The following RBMS3 variants were observed in gnomAD, a reference collection of about 807,000 sequenced individuals.
The protein encoded by RBMS3 is RNA binding motif single stranded interacting protein 3.
RBMS3 carries 27 observed loss-of-function variants against 66.8 expected under a neutral mutation model. The observed-to-expected ratio is 0.40, with a 90% CI of 0.30 to 0.56. The LOEUF is 0.56. Among genes scored for constraint, RBMS3 ranks in the 20% least tolerant of loss-of-function variants. The pLI, the probability that RBMS3 is intolerant of heterozygous loss-of-function variation, is 0.40. For synonymous variants in RBMS3, 188 were observed against 183.0 expected (o/e 1.03, Z -0.22); for missense variants, 513 against 549.5 (o/e 0.93, Z 0.66).
At chr3:29,927,751 G>T (rs2060979365) in intron 10 of RBMS3, among the ~76,000 whole-genome samples, 1 of 152,148 alleles carries the variant, frequency 6.6e-6, no homozygotes, top group African/African-American at 2.4e-5. Flanking sequence ...GATCAGGCTA[G>T]AAAGGTAAAT....
At chr3:29,938,690 T>C (rs1482822086) in intron 11 of RBMS3, among the ~76,000 whole-genome samples, 1 of 151,926 alleles carries the variant, frequency 6.6e-6, no homozygotes, top group Admixed American at 6.6e-5. Context: ...TTTTGGAAAA[T>C]CAGATTTTTC....
chr3:29,706,032 A>G (rs71319102), intron 4 of RBMS3, among the ~76,000 whole-genome samples: 1 of 152,160 alleles, frequency 6.6e-6, no homozygotes, highest in Non-Finnish European at 1.5e-5. Context: ...TGGTTCTAGC[A>G]ATTGTGAGAC....
chr3:29,596,842 T>C (rs1377878661), intron 4 of RBMS3, among the ~76,000 whole-genome samples: 4 of 152,202 alleles, frequency 2.6e-5, no homozygotes, highest in African/African-American at 9.6e-5. Flanking sequence ...AATATGGGAA[T>C]GAACAAATGA....
intron 4 of RBMS3, chr3:29,730,982 C>T (rs1363909713): frequency 1.0e-6 from 1 of 985,202 alleles, no homozygotes; most frequent in Non-Finnish European, 1.2e-6. Flanking sequence ...GCCAGAGATC[C>T]AATCTGGCCA....
chr3:29,442,212 A>AT (rs58714956), intron 2 of RBMS3, among the ~76,000 whole-genome samples: 9,052 of 152,104 alleles, frequency 0.06, 350 homozygotes, highest in East Asian at 0.17. Flanking sequence ...ATATACTTAC[A>AT]TTTTTTTGCC....
intron 3 of RBMS3, among the ~76,000 whole-genome samples, chr3:29,533,946 C>T (rs1420617514): frequency 6.6e-6 from 1 of 152,196 alleles, no homozygotes; most frequent in Non-Finnish European, 1.5e-5. Flanking sequence ...ACATTATGGG[C>T]CACTCCTTAA....
chr3:29,457,230 A>G (rs1333607029), intron 2 of RBMS3, among the ~76,000 whole-genome samples: 1 of 152,054 alleles, frequency 6.6e-6, no homozygotes, highest in Non-Finnish European at 1.5e-5. Context: ...ATGTCTCTCG[A>G]GTTTGTTCAT....
intron 6 of RBMS3, among the ~76,000 whole-genome samples, chr3:29,805,977 ACAGGGGTGC>A (rs1559690843): frequency 6.6e-6 from 1 of 151,916 alleles, no homozygotes; most frequent in Non-Finnish European, 1.5e-5. Flanking sequence ...AGTACCCTAT[ACAGGGGTGC>A]CATTTTTAAT....
chr3:29,599,879 A>G (rs535337795), intron 4 of RBMS3, among the ~76,000 whole-genome samples: 2 of 152,148 alleles, frequency 1.3e-5, no homozygotes, highest in African/African-American at 2.4e-5. Context: ...ATCTTAATCC[A>G]TAAAGTATTC....
At position 29,816,683 on chromosome 3, in the gene RBMS3, A is replaced by G. The variant is rs551454346; in HGVS notation, c.638-52175A>G. Reference sequence around the variant, plus strand: ...AATGTGAAGTTCTTTACATTTTTGCATAAAAAGTGACCCATAGAAAATAGT... The same window carrying G: ...AATGTGAAGTTCTTTACATTTTTGCGTAAAAAGTGACCCATAGAAAATAGT... On this transcript the variant is annotated intron_variant, in intron 6 of 14. Coordinates refer to ENST00000383767, the MANE Select transcript of RBMS3 (RefSeq NM_001003793.3). 5.3e-5 allele frequency among the ~76,000 whole-genome samples: 8 copies of G among 152,248 alleles called. No homozygotes were observed. The South Asian group carries it at 1.5e-3, about 28-fold the overall frequency.
intron 5 of RBMS3, among the ~76,000 whole-genome samples, chr3:29,741,996 G>A (rs1473729717): frequency 6.6e-6 from 1 of 152,088 alleles, no homozygotes; most frequent in Non-Finnish European, 1.5e-5. Flanking sequence ...CTGAGGTATT[G>A]GGGGTTAGGA....
intron 6 of RBMS3, among the ~76,000 whole-genome samples, chr3:29,783,814 T>C (rs946753811): frequency 2.0e-5 from 3 of 152,000 alleles, no homozygotes; most frequent in Non-Finnish European, 4.4e-5. Context: ...ATCTAACATA[T>C]AAGGCCTCAC....
intron 10 of RBMS3, among the ~76,000 whole-genome samples, chr3:29,912,989 A>G (rs1418422144): frequency 6.6e-6 from 1 of 151,938 alleles, no homozygotes; most frequent in African/African-American, 2.4e-5. Flanking sequence ...GGGATCTAGT[A>G]GTTCTGTGCT....
At chr3:29,991,943 A>G (rs1353080849) in intron 14 of RBMS3, among the ~76,000 whole-genome samples, 1 of 152,188 alleles carries the variant, frequency 6.6e-6, no homozygotes, top group East Asian at 1.9e-4. Context: ...ACTCTTGAAA[A>G]TCCTTAAATC....
intron 4 of RBMS3, among the ~76,000 whole-genome samples, chr3:29,696,742 T>G (rs1025497556): frequency 6.6e-6 from 1 of 152,134 alleles, no homozygotes; most frequent in Admixed American, 6.5e-5. Flanking sequence ...ACAACACTGA[T>G]AGATGGCGAT....
At chr3:29,388,668 G>A (rs1244953942) in intron 1 of RBMS3, among the ~76,000 whole-genome samples, 4 of 152,196 alleles carry the variant, frequency 2.6e-5, no homozygotes, top group African/African-American at 7.2e-5. Context: ...TCTGCCTCAC[G>A]CCATTCTCCG....
chr3:29,576,288 C>T (rs1466168760), intron 3 of RBMS3, among the ~76,000 whole-genome samples: 1 of 152,182 alleles, frequency 6.6e-6, no homozygotes, highest in Non-Finnish European at 1.5e-5. Flanking sequence ...AGAGACTCTT[C>T]TCCTTTTCCT....
intron 2 of RBMS3, among the ~76,000 whole-genome samples, chr3:29,447,383 A>G (rs1341067313): frequency 6.6e-6 from 1 of 152,206 alleles, no homozygotes; most frequent in African/African-American, 2.4e-5. Flanking sequence ...CTTGTTTCTC[A>G]GAAAATATAG....
chr3:29,406,282 C>T (rs2040013410), intron 1 of RBMS3, among the ~76,000 whole-genome samples: 1 of 152,138 alleles, frequency 6.6e-6, no homozygotes, highest in Non-Finnish European at 1.5e-5. Flanking sequence ...TAGTTTTAAA[C>T]AGTAGGAGTG....
Sources: gnomAD v4.1 joint callset for allele counts (sites outside exome capture counted in the v4.1 genomes callset) on GRCh38, gnomAD v4.1.1 for gene constraint, MANE v1.5 for transcripts, NCBI Gene and HGNC (gene_info 2026-07-23, HGNC 2026-07-21) for gene names.